Variants in PPFIA1 observed in about 807,000 individuals in gnomAD.
PPFIA1 encodes the protein liprin-alpha-1.
Under a neutral mutation model 149.9 loss-of-function variants are expected in PPFIA1, and 25 were observed. The ratio of observed to expected loss-of-function variants is 0.17; its 90% CI spans 0.12 to 0.23. The LOEUF (loss-of-function observed/expected upper bound fraction) is 0.23. PPFIA1 is among the 10% of genes least tolerant of loss of function. The probability of loss-of-function intolerance (pLI) is 1.00; values close to 1 mark genes in which losing one functional copy is unlikely to be tolerated. For synonymous variants in PPFIA1, 549 were observed against 552.8 expected, an observed-to-expected ratio of 0.99 and a Z score of 0.10; for missense variants, 1,362 against 1,506.5, an observed-to-expected ratio of 0.90 and a Z score of 1.59.
intron 15 of PPFIA1, among the ~76,000 whole-genome samples, chr11:70,345,543 T>C (rs752144884): frequency 3.4e-4 from 51 of 152,114 alleles, no homozygotes; most frequent in Non-Finnish European, 5.7e-4. Context: ...GCTGAACAGC[T>C]GGAAGGATGG....
intron 2 of PPFIA1, among the ~76,000 whole-genome samples, chr11:70,275,504 T>A (rs67767222): frequency 0.22 from 32,908 of 151,956 alleles, 5,386 homozygotes; most frequent in African/African-American, 0.46. Context: ...GAAATTTGCT[T>A]GGTCAAGTTC....
chr11:70,277,313 T>C (rs1388114522), intron 2 of PPFIA1, among the ~76,000 whole-genome samples: 1 of 151,780 alleles, frequency 6.6e-6, no homozygotes, highest in African/African-American at 2.4e-5. Context: ...CTACACGCTT[T>C]TAGCTGCATC....
intron 2 of PPFIA1, among the ~76,000 whole-genome samples, chr11:70,297,673 C>A (rs2052171799): frequency 6.6e-6 from 1 of 152,228 alleles, no homozygotes; most frequent in South Asian, 2.1e-4. Flanking sequence ...AGGATTCTGA[C>A]TGGGTCACAG....
At chr11:70,286,968 T>C (rs184601528) in intron 2 of PPFIA1, among the ~76,000 whole-genome samples, 11 of 143,158 alleles carry the variant, frequency 7.7e-5, no homozygotes, top group Admixed American at 5.5e-4. Flanking sequence ...TATATACATA[T>C]ACACATATAT....
intron 16 of PPFIA1, among the ~76,000 whole-genome samples, chr11:70,351,209 G>A (rs972957473): frequency 6.6e-6 from 1 of 152,164 alleles, no homozygotes; most frequent in Admixed American, 6.5e-5. Context: ...GGTCATTAGC[G>A]GTTTTCACAG....
intron 2 of PPFIA1, among the ~76,000 whole-genome samples, chr11:70,275,201 T>C (rs989857510): frequency 3.9e-5 from 6 of 152,342 alleles, no homozygotes; most frequent in Admixed American, 1.3e-4. Flanking sequence ...GCCAGGAACA[T>C]GCAGAGGTAA....
chr11:70,370,648 A>G (rs569480704), intron 21 of PPFIA1, among the ~76,000 whole-genome samples: 175 of 152,164 alleles, frequency 1.2e-3, no homozygotes, highest in Non-Finnish European at 1.6e-4. Context: ...TCGGCCTCCC[A>G]GAGTGCTAGG....
rs1417658543 is a variant in PPFIA1, at chr11:70,326,599, A to T, written c.711A>T (p.Arg237Ser). The T allele has an allele frequency of 6.2e-7, 1 of 1,609,848 alleles. No individual in the cohort carries two copies. The highest frequency in any genetic ancestry group is 1.7e-5 in the Admixed American group (1 of 59,544). ...QENTPSTSGK[R>S]SSDGSLSHEE... is the part of the protein sequence containing the mutation. Reference sequence around the variant, plus strand: ...GGATTTTTTTTTCCCCCTATCAGAGATCTTCTGATGGTTCTTTAAGCCACG... The same window carrying T: ...GGATTTTTTTTTCCCCCTATCAGAGTTCTTCTGATGGTTCTTTAAGCCACG... The change falls in exon 7 of 28, where the codon AGA becomes AGT. Residue 237 changes from arginine (R) to serine (S), a missense_variant and splice_region_variant. Transcript: ENST00000253925.
In PPFIA1 at chr11:70,369,971, G is replaced by A. The variant is rs1477787372; in HGVS notation, c.2866-2244G>A. 2.1e-5 allele frequency among the ~76,000 whole-genome samples: 3 copies of A among 144,714 alleles called. No individual in the cohort carries two copies. The Admixed American group carries it at 2.1e-4, about 10-fold the overall frequency. 94.9% of individuals were successfully genotyped at this position (144,714 alleles called of 152,430 possible). On this transcript the variant is annotated intron_variant, in intron 21 of 27. Coordinates refer to ENST00000253925, the MANE Select transcript of PPFIA1 (RefSeq NM_003626.5). The stretch of plus-strand genomic sequence containing the variant: ...ACTCTTTTTTTTTTTTTCTTTTTTT[G>A]AGATGGGGCCTCGCTCTGCTGCCCA...
At chr11:70,295,194 C>A (rs1404601909) in intron 2 of PPFIA1, among the ~76,000 whole-genome samples, 5 of 147,712 alleles carry the variant, frequency 3.4e-5, no homozygotes, top group African/African-American at 5.1e-5. Context: ...CTGACCCCCC[C>A]ACCTCCCTCC....
intron 9 of PPFIA1, chr11:70,333,076 C>T: frequency 2.2e-6 from 1 of 461,198 alleles, no homozygotes; most frequent in Admixed American, 2.3e-5. Context: ...ACTGTTGGAA[C>T]TTACTTCCAA....
chr11:70,380,695 A>T (rs961957943), intron 26 of PPFIA1, among the ~76,000 whole-genome samples: 2 of 151,658 alleles, frequency 1.3e-5, no homozygotes, highest in East Asian at 3.9e-4. Context: ...AAATCATGCC[A>T]CTGTACTCCA....
At position 70,326,344 on chromosome 11, in the gene PPFIA1, C is replaced by A. The variant is rs151186142; in HGVS notation, c.689C>A (p.Thr230Lys). ...VLDINHEQEN[T>K]PSTSGKRSSD... The stretch of plus-strand genomic sequence containing the variant: ...GACATAAACCATGAACAAGAAAATA[C>A]ACCAAGCACGAGTGGAAAGGCAAGT... The change falls in exon 6 of 28, where the codon ACA (threonine) becomes AAA (lysine). Residue 230 changes from threonine (T) to lysine (K), a missense_variant. By Grantham distance (78) the Thr-to-Lys change is moderately conservative. This residue lies in a region of PPFIA1 where 733 missense variants were observed against 744.1 expected (regional missense o/e 0.99). Transcript: ENST00000253925. 2.5e-6 allele frequency: 4 copies of A among 1,603,342 alleles called. No individual in the cohort carries two copies. The South Asian group carries it at 3.3e-5, about 13-fold the overall frequency.
intron 15 of PPFIA1, 37 bp from the exon 16 acceptor site, chr11:70,348,152 C>A (rs747962730): frequency 1.3e-6 from 2 of 1,592,070 alleles, no homozygotes; most frequent in South Asian, 2.2e-5. Context: ...ATCTGTTTGC[C>A]GAAACAGGAG....
intron 2 of PPFIA1, among the ~76,000 whole-genome samples, chr11:70,296,131 G>A (rs1402598103): frequency 3.9e-5 from 6 of 152,046 alleles, no homozygotes; most frequent in Admixed American, 1.3e-4. Context: ...GATGGCAGCC[G>A]GGAAGAGGTG....
At chr11:70,298,141 T>G (rs928914856) in intron 2 of PPFIA1, among the ~76,000 whole-genome samples, 1 of 152,248 alleles carries the variant, frequency 6.6e-6, no homozygotes, top group African/African-American at 2.4e-5. Context: ...TTGGGTTTCC[T>G]TCCTTCCGTC....
Position 70,362,462 on chromosome 11 carries a change from C to T in PPFIA1, c.2839C>T (p.Pro947Ser), listed in dbSNP as rs761400948. 5.0e-6 allele frequency: 8 copies of T among 1,613,678 alleles called. No individual in the cohort carries two copies. The highest frequency in any genetic ancestry group is 1.1e-5 in the South Asian group (1 of 91,022). The change falls in exon 21 of 28, where the codon CCG (proline) becomes TCG (serine). Residue 947 changes from proline to serine, a missense_variant. Physicochemically the swap from Pro to Ser is moderately conservative, Grantham distance 74 (BLOSUM62 -1). Transcript: ENST00000253925. Reference sequence around the variant, plus strand: ...CCAGGAGATCATGTCGCTGACCAGCCCGTCTGCCCCGCCCACATCTAGAAC... The same window carrying T: ...CCAGGAGATCATGTCGCTGACCAGCTCGTCTGCCCCGCCCACATCTAGAAC... ...AIQEIMSLTS[P>S]SAPPTSRTTL...
chr11:70,344,739 G>A (rs1158710709), intron 15 of PPFIA1, among the ~76,000 whole-genome samples: 1 of 152,220 alleles, frequency 6.6e-6, no homozygotes, highest in Admixed American at 6.5e-5. Context: ...TAGGCCTGCA[G>A]CAGTGTGTAA....
intron 26 of PPFIA1, among the ~76,000 whole-genome samples, chr11:70,380,939 C>T (rs2057689750): frequency 6.6e-6 from 1 of 151,802 alleles, no homozygotes; most frequent in African/African-American, 2.4e-5. Context: ...GTAGCTGGGA[C>T]CACAGGTGTG....
Sources: gnomAD v4.1 joint callset for allele counts (sites outside exome capture counted in the v4.1 genomes callset) on GRCh38, gnomAD v4.1.1 for gene constraint, gnomAD v4.1.1 regional missense constraint, MANE v1.5 for transcripts, NCBI Gene and HGNC (gene_info 2026-07-23, HGNC 2026-07-21) for gene names.